CCDC102B: variants seen among roughly 807,000 people sequenced by gnomAD.
The protein encoded by CCDC102B is coiled-coil domain-containing protein 102B.
Under a neutral mutation model 57.4 loss-of-function variants are expected in CCDC102B, and 75 were observed. The observed-to-expected ratio is 1.31, with a 90% confidence interval of 1.08 to 1.58. The LOEUF (loss-of-function observed/expected upper bound fraction) is 1.58, where lower values mean the gene tolerates loss of function less well. Among genes scored for constraint, CCDC102B ranks in the 40% most tolerant of loss-of-function variants. The pLI is 0.00. For synonymous variants in CCDC102B, 206 were observed against 201.9 expected, an observed-to-expected ratio of 1.02 and a Z score of -0.17; for missense variants, 636 against 582.6, an observed-to-expected ratio of 1.09 and a Z score of -0.94.
At chr18:69,034,377 T>C (rs1002324038) in intron 7 of CCDC102B, among the ~76,000 whole-genome samples, 1 of 152,006 alleles carries the variant, frequency 6.6e-6, no homozygotes, top group African/African-American at 2.4e-5. Context: ...TCTTCTGAGT[T>C]ACCTTTGGGG....
intron 7 of CCDC102B, among the ~76,000 whole-genome samples, chr18:69,021,836 AC>A (rs1232012976): frequency 2.0e-5 from 3 of 152,266 alleles, no homozygotes; most frequent in East Asian, 1.9e-4. Context: ...ATGTCCAGCA[AC>A]CCAGTTGCAA....
intron 6 of CCDC102B, among the ~76,000 whole-genome samples, chr18:68,903,146 G>T (rs1200039081): frequency 1.3e-5 from 2 of 152,172 alleles, no homozygotes; most frequent in African/African-American, 4.8e-5. Context: ...TGACATAATT[G>T]AGAGGCACAG....
chr18:68,991,191 T>C (rs1344740800), intron 6 of CCDC102B, among the ~76,000 whole-genome samples: 1 of 149,092 alleles, frequency 6.7e-6, no homozygotes, highest in Non-Finnish European at 1.5e-5. Flanking sequence ...TAAAACTCAA[T>C]ATACATGTCC....
At chr18:69,025,642 G>T (rs576066960) in intron 7 of CCDC102B, among the ~76,000 whole-genome samples, 21 of 152,164 alleles carry the variant, frequency 1.4e-4, no homozygotes, top group East Asian at 1.9e-4. Flanking sequence ...TAATTTTTTT[G>T]TTGTTGTTGT....
intron 2 of CCDC102B, among the ~76,000 whole-genome samples, chr18:68,788,342 G>C (rs2035291903): frequency 2.0e-5 from 3 of 149,828 alleles, no homozygotes; most frequent in Admixed American, 2.0e-4. Context: ...ATGTCTATTA[G>C]GTCCGCTTGG....
rs116760423 is a variant in CCDC102B, at chr18:68,821,810, T to G, written c.-15-14939T>G. On this transcript the variant is annotated intron_variant, in intron 1 of 7. Transcript: ENST00000360242. Reference sequence around the variant, plus strand: ...TCAATTTTAAACATCTAATAACCATTTTGAGTAAACTATATATACACCATT... The same window carrying G: ...TCAATTTTAAACATCTAATAACCATGTTGAGTAAACTATATATACACCATT... 1.6e-3 allele frequency among the ~76,000 whole-genome samples: 248 copies of G among 152,148 alleles called. 1 individual carries two copies. The highest frequency in any genetic ancestry group is 5.8e-3 in the African/African-American group (241 of 41,546).
At chr18:68,998,414 A>G (rs1232929878) in intron 6 of CCDC102B, among the ~76,000 whole-genome samples, 2 of 98,166 alleles carry the variant, frequency 2.0e-5, no homozygotes, top group Non-Finnish European at 4.4e-5. Context: ...CTACATATAT[A>G]TAGTATATAT....
rs1568352021 is a variant in CCDC102B, at chr18:68,956,387, A to ATT, written c.1264-54547_1264-54546insTT. 8.9e-4 allele frequency among the ~76,000 whole-genome samples: 42 copies of ATT among 47,374 alleles called. 8 individuals are homozygous for ATT. Among genetic ancestry groups the ATT allele is most frequent in the South Asian group, 5.2e-3 (9 of 1,722 alleles). 31.1% of individuals were successfully genotyped at this position (47,374 alleles called of 152,430 possible). ...TATATATATAAAATGTATAATATATAATATATATATAAATATATTTTATAT... is the reference window on the plus strand; with the variant it reads ...TATATATATAAAATGTATAATATATATTATATATATATAAATATATTTTATAT... On this transcript the variant is annotated intron_variant, in intron 6 of 7. Coordinates refer to ENST00000360242, the MANE Select transcript of CCDC102B (RefSeq NM_024781.3).
intron 1 of CCDC102B, among the ~76,000 whole-genome samples, chr18:68,817,046 C>T (rs73967712): frequency 0.016 from 2,490 of 152,214 alleles, 55 homozygotes; most frequent in African/African-American, 0.055. Context: ...TTGGTCAGAC[C>T]AAAAATTATG....
chr18:68,850,710 T>C (rs2038083118), intron 4 of CCDC102B, among the ~76,000 whole-genome samples: 2 of 152,058 alleles, frequency 1.3e-5, no homozygotes, highest in Admixed American at 6.6e-5. Flanking sequence ...TTCTTTATCA[T>C]TTCCCCCTGC....
intron 2 of CCDC102B, among the ~76,000 whole-genome samples, chr18:68,751,004 G>A (rs2033828450): frequency 6.6e-6 from 1 of 151,858 alleles, no homozygotes; most frequent in African/African-American, 2.4e-5. Context: ...CTTTTCAGTA[G>A]TCACATGGTG....
chr18:68,737,469 GGTA>G (rs753011333), intron 2 of CCDC102B, among the ~76,000 whole-genome samples: 5 of 130,354 alleles, frequency 3.8e-5, no homozygotes, highest in Non-Finnish European at 6.8e-5. Context: ...TGGTGGTGGT[GGTA>G]GTGGCAGTGG....
intron 5 of CCDC102B, among the ~76,000 whole-genome samples, chr18:68,890,883 C>T (rs909773401): frequency 3.3e-5 from 5 of 151,972 alleles, no homozygotes; most frequent in Non-Finnish European, 7.4e-5. Flanking sequence ...TTTTTCTAGA[C>T]TTTGACTATA....
At chr18:68,861,220 A>C (rs1395501218) in intron 4 of CCDC102B, among the ~76,000 whole-genome samples, 1 of 151,920 alleles carries the variant, frequency 6.6e-6, no homozygotes, top group Admixed American at 6.6e-5. Context: ...TGTCAAGCTA[A>C]GAGGAACATT....
chr18:68,745,524 A>G (rs1443912465), intron 2 of CCDC102B, among the ~76,000 whole-genome samples: 2 of 152,120 alleles, frequency 1.3e-5, no homozygotes, highest in East Asian at 1.9e-4. Flanking sequence ...GATATGTATA[A>G]TGTATAGTGA....
intron 5 of CCDC102B, among the ~76,000 whole-genome samples, chr18:68,888,465 C>T (rs1314774197): frequency 6.6e-6 from 1 of 152,082 alleles, no homozygotes; most frequent in Non-Finnish European, 1.5e-5. Flanking sequence ...AAGTCTAGAC[C>T]AGGATTTTCT....
At chr18:68,726,468 C>G (rs1021478772) in intron 2 of CCDC102B, among the ~76,000 whole-genome samples, 1 of 152,366 alleles carries the variant, frequency 6.6e-6, no homozygotes, top group East Asian at 1.9e-4. Flanking sequence ...ACGATGGAGA[C>G]TATCAGTAGT....
At chr18:68,715,235 G>A in exon 1 of CCDC102B, 1 of 1,352,348 alleles carries the variant, frequency 7.4e-7, no homozygotes, top group Non-Finnish European at 9.5e-7. Flanking sequence ...TTGCGCTCTC[G>A]GTGCCCCCCT....
chr18:68,734,171 C>T (rs1406102251), intron 2 of CCDC102B, among the ~76,000 whole-genome samples: 2 of 152,210 alleles, frequency 1.3e-5, no homozygotes, highest in Non-Finnish European at 2.9e-5. Context: ...ATAGAAGCAA[C>T]TGTAAACCTG....
Sources: gnomAD v4.1 joint callset for allele counts (sites outside exome capture counted in the v4.1 genomes callset) on GRCh38, gnomAD v4.1.1 for gene constraint, MANE v1.5 for transcripts, NCBI Gene and HGNC (gene_info 2026-07-23, HGNC 2026-07-21) for gene names.